Variants in TET2 observed in about 807,000 individuals in gnomAD.
TET2 encodes methylcytosine dioxygenase TET2.
A neutral mutation model predicts 142.9 loss-of-function variants in TET2; 299 were observed. That is an observed-to-expected ratio of 2.09 (90% confidence interval 1.90 to 2.30). The LOEUF is 2.30. Among genes scored for constraint, TET2 ranks in the 30% most tolerant of loss-of-function variants. The probability of loss-of-function intolerance (pLI) is 0.00; values close to 1 mark genes in which losing one functional copy is unlikely to be tolerated. For missense variants in TET2, 2,418 were observed against 2,378.0 expected (o/e 1.02, Z -0.35); for synonymous variants, 819 against 849.0 (o/e 0.96, Z 0.61).
In TET2 at chr4:105,236,855, G is replaced by A; in HGVS notation, c.2913G>A (p.Glu971=). ...EQQQTQQPQT[E]SCHSQMHRPI... ...AGCAAACACAGCAACCCCAAACTGA[G>A]TCTTGCCATAGTCAGATGCACAGGC... The change falls in exon 3 of 11, where the codon GAG becomes GAA. Residue 971 remains glutamate (E), a synonymous_variant. Coordinates refer to ENST00000380013, the MANE Select transcript of TET2 (RefSeq NM_001127208.3). 1 of 1,614,088 alleles carries A rather than the reference G, an allele frequency of 6.2e-7. No homozygotes were observed. The highest frequency in any genetic ancestry group is 8.5e-7 in the Non-Finnish European group (1 of 1,180,014).
intron 6 of TET2, among the ~76,000 whole-genome samples, chr4:105,255,325 T>A (rs1483810701): frequency 2.0e-5 from 3 of 152,220 alleles, no homozygotes; most frequent in Non-Finnish European, 2.9e-5. Context: ...GTTATTCATG[T>A]ATAATTTTAT....
chr4:105,263,860 AG>A (rs1318419797), intron 8 of TET2, among the ~76,000 whole-genome samples: 4 of 152,152 alleles, frequency 2.6e-5, no homozygotes, highest in Non-Finnish European at 5.9e-5. Context: ...GAAATGTAGT[AG>A]GAAAAGTGAA....
intron 2 of TET2, among the ~76,000 whole-genome samples, chr4:105,191,052 G>A (rs999349302): frequency 1.3e-5 from 2 of 152,064 alleles, no homozygotes; most frequent in African/African-American, 4.8e-5. Flanking sequence ...TTTTACATAC[G>A]GTTTGTTTTT....
intron 1 of TET2, among the ~76,000 whole-genome samples, chr4:105,148,052 A>T (rs1222796741): frequency 6.6e-6 from 1 of 151,084 alleles, no homozygotes; most frequent in African/African-American, 2.4e-5. Context: ...TCTCTCTCTC[A>T]TACACATACA....
intron 2 of TET2, among the ~76,000 whole-genome samples, chr4:105,233,067 C>CT (rs1194922167): frequency 6.6e-6 from 1 of 151,960 alleles, no homozygotes; most frequent in African/African-American, 2.4e-5. Context: ...GCAGACGGGG[C>CT]TAGGGGAGGA....
chr4:105,183,938 T>A (rs1282858828), intron 1 of TET2, among the ~76,000 whole-genome samples: 1 of 152,218 alleles, frequency 6.6e-6, no homozygotes, highest in African/African-American at 2.4e-5. Flanking sequence ...AATGCCTGGA[T>A]GTTAGGAATG....
At chr4:105,181,732 G>A (rs1287623953) in intron 1 of TET2, among the ~76,000 whole-genome samples, 1 of 152,116 alleles carries the variant, frequency 6.6e-6, no homozygotes, top group East Asian at 1.9e-4. Context: ...CTAGGAAATC[G>A]AAGATGTGAA....
chr4:105,234,285 G>A lies in TET2; in HGVS notation c.343G>A (p.Asp115Asn). The change falls in exon 3 of 11, where the codon GAC becomes AAC. Residue 115 changes from aspartate (D) to asparagine (N), a missense_variant. Transcript: ENST00000380013. The stretch of plus-strand genomic sequence containing the variant: ...CCTTCAGATCAAGAAATTGAAACAA[G>A]ACCAAAAGGCTAATGGAGAAAGACG... ...GLLQIKKLKQ[D>N]QKANGERRNF... is the part of the protein sequence containing the mutation. 1.2e-6 allele frequency: 2 copies of A among 1,614,070 alleles called. No individual in the cohort carries two copies. The highest frequency in any genetic ancestry group is 1.7e-6 in the Non-Finnish European group (2 of 1,179,996).
At chr4:105,247,911 G>A (rs995912827) in intron 6 of TET2, among the ~76,000 whole-genome samples, 2 of 151,800 alleles carry the variant, frequency 1.3e-5, no homozygotes, top group South Asian at 2.1e-4. Flanking sequence ...TAGTAGAGAC[G>A]GGGTTTCGCC....
intron 1 of TET2, among the ~76,000 whole-genome samples, chr4:105,184,416 C>T (rs936597038): frequency 6.6e-6 from 1 of 152,096 alleles, no homozygotes; most frequent in African/African-American, 2.4e-5. Flanking sequence ...CCTTGTTTGG[C>T]TATCGTAGTT....
chr4:105,160,763 TTTGGTTTG>T (rs1404400125), intron 1 of TET2, among the ~76,000 whole-genome samples: 1 of 151,204 alleles, frequency 6.6e-6, no homozygotes, highest in Non-Finnish European at 1.5e-5. Flanking sequence ...TTGGGGGTTT[TTTGGTTTG>T]TTGGTTTGTT....
rs1184291440 is a variant in TET2 at position 105,279,237 on chromosome 4, A to AC, written c.*2720dup. On this transcript the variant is annotated 3_prime_UTR_variant, in exon 11 of 11. Coordinates refer to ENST00000380013, the MANE Select transcript of TET2 (RefSeq NM_001127208.3). ...ATTCTTAATATTTGATTTCTGTGTC[A>AC]CCTACTGTCATTTGTTAAACTGCTG... 4.3e-6 allele frequency: 1 copy of AC among 231,998 alleles called. No individual in the cohort carries two copies. The highest frequency in any genetic ancestry group is 8.5e-6 in the Non-Finnish European group (1 of 117,450). 14.4% of individuals were successfully genotyped at this position (231,998 alleles called of 1,614,324 possible).
chr4:105,245,779 A>T (rs1330020221), intron 6 of TET2, among the ~76,000 whole-genome samples: 1 of 152,256 alleles, frequency 6.6e-6, no homozygotes, highest in Admixed American at 6.5e-5. Flanking sequence ...TCAAGAACTC[A>T]GTAATACTGC....
chr4:105,248,132 CTGTT>C lies in TET2; in HGVS notation c.3803+4360_3803+4363del, dbSNP rs369801052. On this transcript the variant is annotated intron_variant, in intron 6 of 10. Transcript: ENST00000380013. ...ATATACATCAGGAGACACATAATGT[CTGTT>C]TGTTTCCCATTTTAGTGATATTAAG... 8.7e-4 allele frequency among the ~76,000 whole-genome samples: 132 copies of C among 152,256 alleles called. 1 individual carries two copies. The highest frequency in any genetic ancestry group is 6.8e-3 in the Middle Eastern group (2 of 294).
intron 1 of TET2, among the ~76,000 whole-genome samples, chr4:105,152,328 T>A (rs1234891660): frequency 6.6e-6 from 1 of 152,112 alleles, no homozygotes; most frequent in East Asian, 1.9e-4. Flanking sequence ...TAAATTGGGA[T>A]AAAGTGTTTT....
rs769968591 is a variant in TET2, at chr4:105,235,929, T to C, written c.1987T>C (p.Ser663Pro). 1.2e-6 allele frequency: 2 copies of C among 1,614,060 alleles called. No individual in the cohort carries two copies. Among genetic ancestry groups the C allele is most frequent in the Non-Finnish European group, 1.7e-6 (2 of 1,180,004 alleles). Residue 663 changes from serine (S) to proline (P), a missense_variant, in exon 3 of 11, where the codon TCC (serine) becomes CCC (proline). Transcript: ENST00000380013. Reference sequence around the variant, plus strand: ...AAAACCCTCACACCAGGTGCACTTCTCCAAAACAGACCATTTACCAAAAGC... The same window carrying C: ...AAAACCCTCACACCAGGTGCACTTCCCCAAAACAGACCATTTACCAAAAGC... ...FQKPSHQVHF[S>P]KTDHLPKAHV...
intron 1 of TET2, among the ~76,000 whole-genome samples, chr4:105,184,702 A>C (rs1203808905): frequency 6.6e-6 from 1 of 151,228 alleles, no homozygotes; most frequent in Non-Finnish European, 1.5e-5. Context: ...TACAGTTGGA[A>C]TCATTTACTT....
At chr4:105,272,446 C>G (rs1731008952) in intron 9 of TET2, 118 bp from the exon 10 acceptor site, 4 of 663,490 alleles carry the variant, frequency 6.0e-6, no homozygotes, top group Non-Finnish European at 1.0e-5. Context: ...TGTCACTGAT[C>G]TGGATCAACT....
chr4:105,180,128 C>T (rs567033263), intron 1 of TET2, among the ~76,000 whole-genome samples: 2 of 152,260 alleles, frequency 1.3e-5, no homozygotes, highest in Admixed American at 6.5e-5. Context: ...ATTAGATGTT[C>T]CAGCCTTCAC....
Sources: gnomAD v4.1 joint callset for allele counts (sites outside exome capture counted in the v4.1 genomes callset) on GRCh38, gnomAD v4.1.1 for gene constraint, MANE v1.5 for transcripts, NCBI Gene and HGNC (gene_info 2026-07-23, HGNC 2026-07-21) for gene names.